The following INPP5A variants were observed in gnomAD, a reference collection of about 807,000 sequenced individuals.
INPP5A encodes inositol polyphosphate-5-phosphatase A, also known as 43 kDa inositol polyphosphate 5-phophatase.
Under a neutral mutation model 65.2 loss-of-function variants are expected in INPP5A, and 14 were observed. The observed-to-expected ratio is 0.21, with a 90% CI of 0.14 to 0.34. INPP5A has a LOEUF of 0.34. INPP5A is among the 10% of genes least tolerant of loss of function. The pLI is 1.00. For synonymous variants in INPP5A, 207 were observed against 208.3 expected (o/e 0.99, Z 0.05); for missense variants, 431 against 545.6 (o/e 0.79, Z 2.09).
intron 11 of INPP5A, among the ~76,000 whole-genome samples, chr10:132,760,684 G>T (rs757535501): frequency 6.6e-6 from 1 of 152,224 alleles, no homozygotes; most frequent in African/African-American, 2.4e-5. Flanking sequence ...TGACTGTGGC[G>T]CAGCGTGTGC....
intron 12 of INPP5A, among the ~76,000 whole-genome samples, chr10:132,776,140 C>T (rs2134692115): frequency 6.6e-6 from 1 of 152,328 alleles, no homozygotes. Flanking sequence ...TGAAATGGGG[C>T]AGGCCACCAG....
At chr10:132,763,579 C>G (rs1846771765) in intron 11 of INPP5A, among the ~76,000 whole-genome samples, 1 of 151,068 alleles carries the variant, frequency 6.6e-6, no homozygotes, top group African/African-American at 2.4e-5. Context: ...ACACACATGC[C>G]TGTGCACACA....
Position 132,656,951 on chromosome 10 carries a change from G to C in INPP5A, c.306+6446G>C, listed in dbSNP as rs73383187. ...AGACAGCAGCGACAGGGCTGTGTGG[G>C]GACTTGGGCAGGCCTGAGCCTGGGG... is the stretch of plus-strand genomic sequence containing the variant. On this transcript the variant is annotated intron_variant, in intron 4 of 15. Coordinates refer to ENST00000368594, the MANE Select transcript of INPP5A (RefSeq NM_005539.5). 4.0e-3 allele frequency among the ~76,000 whole-genome samples: 612 copies of C among 152,336 alleles called. 2 individuals carry two copies. Among genetic ancestry groups the C allele is most frequent in the African/African-American group, 0.014 (581 of 41,578 alleles).
chr10:132,590,819 G>C (rs983241970), intron 1 of INPP5A, among the ~76,000 whole-genome samples: 1 of 152,238 alleles, frequency 6.6e-6, no homozygotes, highest in African/African-American at 2.4e-5. Flanking sequence ...CTTTAGGGCA[G>C]CCTGCCGTGT....
chr10:132,696,578 A>G (rs948062020), intron 5 of INPP5A, among the ~76,000 whole-genome samples: 5 of 152,236 alleles, frequency 3.3e-5, no homozygotes, highest in Non-Finnish European at 7.3e-5. Context: ...TGAAAAGGCT[A>G]CACACTGTGA....
At chr10:132,604,741 AC>A (rs1187682377) in intron 1 of INPP5A, among the ~76,000 whole-genome samples, 1 of 152,200 alleles carries the variant, frequency 6.6e-6, no homozygotes, top group African/African-American at 2.4e-5. Flanking sequence ...ATTAGGGGTC[AC>A]CTATTGGTCT....
rs1165643383 is a variant in INPP5A, at chr10:132,587,101, G to A, written c.76-20814G>A. On this transcript the variant is annotated intron_variant, in intron 1 of 15. Transcript: ENST00000368594. The surrounding 1 kb of genome is among the most constrained non-coding windows in gnomAD (Gnocchi z 4.3). ...ATTCCAGTCACAGCTGAGCCATGTAGTGTGCTATGACTTGATTTTTTCAGT... is the reference window on the plus strand; with the variant it reads ...ATTCCAGTCACAGCTGAGCCATGTAATGTGCTATGACTTGATTTTTTCAGT... Among the ~76,000 whole-genome samples, 1 of 151,916 alleles carries A rather than the reference G, an allele frequency of 6.6e-6. No homozygotes were observed. Among genetic ancestry groups the A allele is most frequent in the African/African-American group, 2.4e-5 (1 of 41,186 alleles).
In INPP5A at chr10:132,550,913, G is replaced by A. The variant is rs531697913; in HGVS notation, c.75+12742G>A. Among the ~76,000 whole-genome samples, 24 of 152,352 alleles carry A rather than the reference G, an allele frequency of 1.6e-4. No individual in the cohort carries two copies. The East Asian group carries it at 4.4e-3, about 28-fold the overall frequency. On this transcript the variant is annotated intron_variant, in intron 1 of 15. Coordinates refer to ENST00000368594, the MANE Select transcript of INPP5A (RefSeq NM_005539.5). This position sits in a 1 kb window ranked among gnomAD's most constrained non-coding sequence, Gnocchi z 4.2. ...GGCCTTCAGGGTGGTCATTGGGTGC[G>A]TGGCTCTCTAGGGTGGACCTGGCCA...
chr10:132,632,581 G>T (rs1016686719), intron 2 of INPP5A, among the ~76,000 whole-genome samples: 1 of 152,160 alleles, frequency 6.6e-6, no homozygotes, highest in African/African-American at 2.4e-5. Flanking sequence ...TGTGCTTCCT[G>T]GAAAGCCCAC....
At chr10:132,619,912 G>A (rs565292507) in intron 2 of INPP5A, among the ~76,000 whole-genome samples, 1 of 152,220 alleles carries the variant, frequency 6.6e-6, no homozygotes, top group Admixed American at 6.5e-5. Flanking sequence ...ACCCACCTCA[G>A]GTGCTGGGAT....
chr10:132,588,420 A>C (rs1247732154), intron 1 of INPP5A, among the ~76,000 whole-genome samples: 1 of 152,220 alleles, frequency 6.6e-6, no homozygotes, highest in Admixed American at 6.5e-5. Flanking sequence ...TGTGCTTCTC[A>C]TTTGGTGGAA....
intron 9 of INPP5A, among the ~76,000 whole-genome samples, chr10:132,745,453 C>T (rs751885927): frequency 2.6e-5 from 4 of 152,218 alleles, no homozygotes; most frequent in Non-Finnish European, 4.4e-5. Context: ...GATTGCTTTT[C>T]CAGTGCCTGA....
At position 132,777,689 on chromosome 10, in the gene INPP5A, C is replaced by T. The variant is rs745845233; in HGVS notation, c.996C>T (p.Asp332=). 20 of 1,612,860 alleles carry T rather than the reference C, an allele frequency of 1.2e-5. No homozygotes were observed. The highest frequency in any genetic ancestry group is 1.6e-4 in the Middle Eastern group (1 of 6,062). Residue 332 remains aspartate, a synonymous_variant, in exon 13 of 16, where the codon GAC becomes GAT. Transcript: ENST00000368594. ...TCCCCAGCTACCCGTACAGTGAGGA[C>T]GCCCGCCAGGGTGAGCAGTACATGA... ...SFPPSYPYSE[D]ARQGEQYMNT... is the part of the protein sequence containing the mutation.
intron 5 of INPP5A, among the ~76,000 whole-genome samples, chr10:132,696,266 C>G (rs948029794): frequency 1.3e-5 from 2 of 152,232 alleles, no homozygotes; most frequent in African/African-American, 4.8e-5. Context: ...TTCCCAACTT[C>G]AGCTATAGAT....
chr10:132,567,963 C>A (rs375713226), intron 1 of INPP5A, among the ~76,000 whole-genome samples: 1 of 151,780 alleles, frequency 6.6e-6, no homozygotes, highest in Admixed American at 6.6e-5. Flanking sequence ...GAGGCCGAGG[C>A]GGGCGGATCA....
rs141626092 is a variant in INPP5A, at chr10:132,629,824, A to G, written c.118-16044A>G. Among the ~76,000 whole-genome samples the G allele has an allele frequency of 5.2e-3, 791 of 152,098 alleles. 5 individuals carry two copies. Among genetic ancestry groups the G allele is most frequent in the African/African-American group, 0.018 (752 of 41,490 alleles). ...GGTCCATGAGTGGAGGGTATCCATG[A>G]GGGAGGGGTGTCCACAAGGGCAGGG... On this transcript the variant is annotated intron_variant, in intron 2 of 15. Transcript: ENST00000368594.
rs1847170300 is a variant in INPP5A, at chr10:132,781,926, T to G, written c.1224T>G (p.Cys408Trp). Reference protein sequence around the residue: ...AGKPHAHVHKCCVVQ With the variant: ...AGKPHAHVHKWCVVQ ...AACCTCATGCCCATGTGCACAAGTGTTGTGTCGTGCAGTGACGTGGTGGTA... is the reference window on the plus strand; with the variant it reads ...AACCTCATGCCCATGTGCACAAGTGGTGTGTCGTGCAGTGACGTGGTGGTA... Residue 408 changes from cysteine to tryptophan, a missense_variant, in exon 15 of 16, where the codon TGT becomes TGG. By Grantham distance (215) the Cys-to-Trp change is radical. Coordinates refer to ENST00000368594, the MANE Select transcript of INPP5A (RefSeq NM_005539.5). The G allele has an allele frequency of 1.2e-6, 2 of 1,613,780 alleles. No individual in the cohort carries two copies. The highest frequency in any genetic ancestry group is 1.7e-6 in the Non-Finnish European group (2 of 1,179,912).
chr10:132,650,547 G>A lies in INPP5A; in HGVS notation c.306+42G>A. On this transcript the variant is annotated intron_variant, in intron 4 of 15. Coordinates refer to ENST00000368594, the MANE Select transcript of INPP5A (RefSeq NM_005539.5). The surrounding 1 kb of genome is among the most constrained non-coding windows in gnomAD (Gnocchi z 5.5). ...GCCTGGTGCAGGGGTCAGACAGGCT[G>A]GCCTTGGCAGAAGCCAGCCCTTCTC... 1 of 1,432,536 alleles carries A rather than the reference G, an allele frequency of 7.0e-7. No individual in the cohort carries two copies. Among genetic ancestry groups the A allele is most frequent in the Non-Finnish European group, 9.8e-7 (1 of 1,018,130 alleles). The allele number at this position is 1,432,536 out of a possible 1,614,324, so 88.7% of individuals were successfully genotyped here. A position where few individuals can be genotyped will look rare whatever the true frequency, so the allele number is the denominator to read the frequency against.
Position 132,675,012 on chromosome 10 carries a change from C to T in INPP5A, c.307-15380C>T, listed in dbSNP as rs893645946. Among the ~76,000 whole-genome samples, 1 of 152,382 alleles carries T rather than the reference C, an allele frequency of 6.6e-6. No individual in the cohort carries two copies. The highest frequency in any genetic ancestry group is 1.5e-5 in the Non-Finnish European group (1 of 68,036). ...GGCCCAAGTGTCAGAGCAGCTGGCA[C>T]AGCAGCCTGGACCTGTTGCAGAGCC... On this transcript the variant is annotated intron_variant, in intron 4 of 15. Coordinates refer to ENST00000368594, the MANE Select transcript of INPP5A (RefSeq NM_005539.5). The surrounding 1 kb of genome is among the most constrained non-coding windows in gnomAD (Gnocchi z 4.2).
Sources: allele counts gnomAD v4.1 joint callset (sites outside exome capture counted in the v4.1 genomes callset), GRCh38; gene constraint gnomAD v4.1.1; non-coding constraint Gnocchi (gnomAD v3.1); transcripts MANE v1.5; gene names NCBI Gene and HGNC (gene_info 2026-07-23, HGNC 2026-07-21).